Variants in CDKN2A observed in about 807,000 individuals in gnomAD.
The protein encoded by CDKN2A is cyclin dependent kinase inhibitor 2A.
Under a neutral mutation model 11.1 loss-of-function variants are expected in CDKN2A, and 3 were observed. The ratio of observed to expected loss-of-function variants is 0.27; its 90% confidence interval spans 0.12 to 0.70. CDKN2A has a LOEUF of 0.70. Among genes scored for constraint, CDKN2A ranks in the 30% least tolerant of loss-of-function variants. The pLI is 0.77. For synonymous variants in CDKN2A, 122 were observed against 108.1 expected, an observed-to-expected ratio of 1.13 and a Z score of -0.80; for missense variants, 265 against 233.6, an observed-to-expected ratio of 1.13 and a Z score of -0.88.
chr9:21,994,381 G>C, intron 1 of CDKN2A: 1 of 1,607,754 alleles, frequency 6.2e-7, no homozygotes, highest in Non-Finnish European at 8.5e-7. Flanking sequence ...GCCGCCCTTT[G>C]GCACCAGAGG....
Position 21,988,272 on chromosome 9 carries a change from A to G in CDKN2A, c.-4+5610T>C, listed in dbSNP as rs1183853825. On this transcript the variant is annotated intron_variant, in intron 2 of 3. Coordinates refer to the CDKN2A transcript ENST00000494262. The surrounding 1 kb of genome is among the most constrained non-coding windows in gnomAD (Gnocchi z 4.1). The stretch of plus-strand genomic sequence containing the variant: ...AAACTGAGAAATAGTTGAATTAAAA[A>G]ATCCTTTGTGATAACATGTTTATAT... Among the ~76,000 whole-genome samples the G allele has an allele frequency of 1.3e-5, 2 of 152,254 alleles. No homozygotes were observed. The highest frequency in any genetic ancestry group is 2.9e-5 in the Non-Finnish European group (2 of 68,038).
chr9:21,988,791 A>G lies in CDKN2A; in HGVS notation c.-4+5091T>C, dbSNP rs1442348841. Among the ~76,000 whole-genome samples, 1 of 152,212 alleles carries G rather than the reference A, an allele frequency of 6.6e-6. No individual in the cohort carries two copies. Among genetic ancestry groups the G allele is most frequent in the Non-Finnish European group, 1.5e-5 (1 of 68,036 alleles). ...AAAATCTACGAGGCACTATATTTTTAAAAATACCACTATGTACAAGGCACT... is the reference window on the plus strand; with the variant it reads ...AAAATCTACGAGGCACTATATTTTTGAAAATACCACTATGTACAAGGCACT... On this transcript the variant is annotated intron_variant, in intron 2 of 3. Coordinates refer to the CDKN2A transcript ENST00000494262. The surrounding 1 kb of genome is among the most constrained non-coding windows in gnomAD (Gnocchi z 4.1).
chr9:21,983,444 T>C (rs1286446586), intron 2 of CDKN2A, among the ~76,000 whole-genome samples: 1 of 152,086 alleles, frequency 6.6e-6, no homozygotes, highest in Middle Eastern at 3.2e-3. Flanking sequence ...ACTTCATAAA[T>C]GCTACTTTTA....
chr9:21,995,276 G>C (rs544572683), upstream of CDKN2A: 1 of 152,396 alleles, frequency 6.6e-6, no homozygotes, highest in East Asian at 1.9e-4. The surrounding 1 kb of genome is among the most constrained non-coding windows in gnomAD (Gnocchi z 5.7). Flanking sequence ...TTTGTGTCTA[G>C]CCCATTTTTA....
intron 2 of CDKN2A, among the ~76,000 whole-genome samples, chr9:21,969,978 G>T (rs1364029845): frequency 6.6e-6 from 1 of 152,086 alleles, no homozygotes; most frequent in Non-Finnish European, 1.5e-5. Flanking sequence ...CCCCCGTTCT[G>T]GGCCAAAATA....
intron 2 of CDKN2A, among the ~76,000 whole-genome samples, chr9:21,983,594 T>C (rs573902791): frequency 6.8e-4 from 103 of 152,184 alleles, no homozygotes; most frequent in African/African-American, 2.3e-3. Context: ...GAATATATTG[T>C]AAAACTGCTT....
intron 2 of CDKN2A, among the ~76,000 whole-genome samples, chr9:21,982,186 T>G (rs1409768351): frequency 6.6e-6 from 1 of 152,222 alleles, no homozygotes; most frequent in Non-Finnish European, 1.5e-5. Flanking sequence ...TGATGTGTTG[T>G]AGATTTAATG....
chr9:21,975,709 T>A (rs749581220), upstream of CDKN2A, among the ~76,000 whole-genome samples: 1 of 152,164 alleles, frequency 6.6e-6, no homozygotes, highest in Non-Finnish European at 1.5e-5. Flanking sequence ...TGTAGGCAGA[T>A]AGGAAAATGG....
intron 1 of CDKN2A, among the ~76,000 whole-genome samples, chr9:21,972,747 C>A (rs1350018466): frequency 6.6e-6 from 1 of 152,156 alleles, no homozygotes; most frequent in Non-Finnish European, 1.5e-5. Context: ...GGAAACAAAG[C>A]CATTTCCAGA....
At chr9:21,987,534 G>A (rs552829458) in intron 2 of CDKN2A, among the ~76,000 whole-genome samples, 1 of 151,886 alleles carries the variant, frequency 6.6e-6, no homozygotes, top group Non-Finnish European at 1.5e-5. Context: ...AGCTTATGTG[G>A]AAATTTTCTG....
upstream of CDKN2A, among the ~76,000 whole-genome samples, chr9:21,978,281 A>T (rs921877429): frequency 1.7e-4 from 26 of 151,870 alleles, no homozygotes; most frequent in East Asian, 9.6e-4. Flanking sequence ...TAATAAAATT[A>T]AAAAAATATT....
chr9:21,979,517 A>C (rs1471437835), upstream of CDKN2A, among the ~76,000 whole-genome samples: 2 of 152,246 alleles, frequency 1.3e-5, no homozygotes, highest in African/African-American at 4.8e-5. Flanking sequence ...CTCAAAAATA[A>C]TGAAGAAATA....
In CDKN2A at chr9:21,988,918, G is replaced by C. The variant is rs892222511; in HGVS notation, c.-4+4964C>G. 4.6e-5 allele frequency among the ~76,000 whole-genome samples: 7 copies of C among 152,138 alleles called. No homozygotes were observed. The highest frequency in any genetic ancestry group is 1.7e-4 in the African/African-American group (7 of 41,440). ...TTCCCTTTAGATGGAAACGTTCTTT[G>C]GTCCACCAAGCCCTATCGTTCTGCT... is the stretch of plus-strand genomic sequence containing the variant. On this transcript the variant is annotated intron_variant, in intron 2 of 3. Coordinates refer to the CDKN2A transcript ENST00000494262. The surrounding 1 kb of genome is among the most constrained non-coding windows in gnomAD (Gnocchi z 4.1).
chr9:21,969,748 C>T, intron 2 of CDKN2A: 3 of 398,158 alleles, frequency 7.5e-6, no homozygotes, highest in Non-Finnish European at 1.3e-5. Flanking sequence ...GTAACTGGAG[C>T]CGAAGTCTCC....
chr9:21,968,904 AT>A lies in CDKN2A; in HGVS notation c.458-663del. The A allele has an allele frequency of 1.1e-6, 1 of 869,768 alleles. No homozygotes were observed. The highest frequency in any genetic ancestry group is 1.8e-6 in the Non-Finnish European group (1 of 546,538). 53.9% of individuals were successfully genotyped at this position (869,768 alleles called of 1,614,324 possible). ...ATTTACACTTGAGAGTCTCAAGATT[AT>A]TTTATTCCTGAGGGAGCATTTGCAC... On this transcript the variant is annotated intron_variant, in intron 2 of 2. Coordinates refer to ENST00000304494, the MANE Select transcript of CDKN2A (RefSeq NM_000077.5). The surrounding 1 kb of genome is among the most constrained non-coding windows in gnomAD (Gnocchi z 4.7).
chr9:21,968,494 G>A lies in CDKN2A; in HGVS notation c.458-252C>T. ...GCGCTCCAGGTCCACCCGGCGGAGGGCAGAGAAAGCGCGACCGCGCGGCCC... is the reference window on the plus strand; with the variant it reads ...GCGCTCCAGGTCCACCCGGCGGAGGACAGAGAAAGCGCGACCGCGCGGCCC... On this transcript the variant is annotated intron_variant, in intron 2 of 2. Transcript: ENST00000304494. This position sits in a 1 kb window ranked among gnomAD's most constrained non-coding sequence, Gnocchi z 4.7. The A allele has an allele frequency of 6.9e-7, 1 of 1,455,420 alleles. No homozygotes were observed. Among genetic ancestry groups the A allele is most frequent in the Non-Finnish European group, 9.0e-7 (1 of 1,111,196 alleles). The allele number at this position is 1,455,420 out of a possible 1,614,324, so 90.2% of individuals were successfully genotyped here.
chr9:21,971,427 C>G (rs1197803231), intron 1 of CDKN2A: 5 of 1,409,290 alleles, frequency 3.5e-6, no homozygotes, highest in Non-Finnish European at 4.7e-6. Flanking sequence ...TTCTGCGGAG[C>G]TGTCGTCACA....
At chr9:21,971,423 G>A in intron 1 of CDKN2A, 1 of 1,422,488 alleles carries the variant, frequency 7.0e-7, no homozygotes, top group South Asian at 1.5e-5. Context: ...GAACTTCTGC[G>A]GAGCTGTCGT....
rs548997090 is a variant in CDKN2A, at chr9:21,971,504, G to A, written c.151-296C>T. On this transcript the variant is annotated intron_variant, in intron 1 of 2. Coordinates refer to ENST00000304494, the MANE Select transcript of CDKN2A (RefSeq NM_000077.5). ...CAGGGACAGACTGACTTTTACTCCA[G>A]GCTAACTTCCTGTATTTCCCCTGAG... 3.4e-3 allele frequency: 1,855 copies of A among 537,716 alleles called. 32 individuals are homozygous for A. Among genetic ancestry groups the A allele is most frequent in the South Asian group, 0.033 (1,054 of 31,638 alleles). 33.3% of individuals were successfully genotyped at this position (537,716 alleles called of 1,614,324 possible).
Sources: gnomAD v4.1 joint callset for allele counts (sites outside exome capture counted in the v4.1 genomes callset) on GRCh38, gnomAD v4.1.1 for gene constraint, Gnocchi (gnomAD v3.1) non-coding constraint, MANE v1.5 for transcripts, NCBI Gene and HGNC (gene_info 2026-07-23, HGNC 2026-07-21) for gene names.